NAA15: variants seen among roughly 807,000 people sequenced by gnomAD.
The protein encoded by NAA15 is N-alpha-acetyltransferase 15, NatA auxiliary subunit.
In NAA15, 34 loss-of-function variants were observed where a neutral mutation model predicts 114.0. That is an observed-to-expected ratio of 0.30 (90% CI 0.23 to 0.40). NAA15 has a LOEUF of 0.40. Ranked by LOEUF, NAA15 falls within the 10% of genes least tolerant of loss-of-function variation. The pLI is 1.00. For synonymous variants in NAA15, 340 were observed against 338.0 expected, an observed-to-expected ratio of 1.01 and a Z score of -0.06; for missense variants, 658 against 1,004.5, an observed-to-expected ratio of 0.66 and a Z score of 4.66.
chr4:139,390,708 A>C lies in NAA15; in HGVS notation c.*2624A>C, dbSNP rs1389891709. The C allele has an allele frequency of 2.0e-5, 3 of 152,434 alleles. No homozygotes were observed. The East Asian group carries it at 5.8e-4, about 29-fold the overall frequency. 9.4% of individuals were successfully genotyped at this position (152,434 alleles called of 1,614,324 possible). On this transcript the variant is annotated 3_prime_UTR_variant, in exon 20 of 20. Coordinates refer to ENST00000296543, the MANE Select transcript of NAA15 (RefSeq NM_057175.5). ...TAGGTTAGTTTACTCAGCTTTAATTAGATAGTTGAGTCATATATTTTCAAC... is the reference window on the plus strand; with the variant it reads ...TAGGTTAGTTTACTCAGCTTTAATTCGATAGTTGAGTCATATATTTTCAAC...
chr4:139,339,616 T>A (rs1747318961), intron 3 of NAA15, among the ~76,000 whole-genome samples: 1 of 152,084 alleles, frequency 6.6e-6, no homozygotes, highest in Non-Finnish European at 1.5e-5. Context: ...CTGGGCGTGG[T>A]GGCAGACGCT....
intron 1 of NAA15, among the ~76,000 whole-genome samples, chr4:139,312,159 C>T (rs1746246488): frequency 6.6e-6 from 1 of 151,994 alleles, no homozygotes; most frequent in South Asian, 2.1e-4. Context: ...TATTTACAGG[C>T]AATATCCTGT....
intron 14 of NAA15, among the ~76,000 whole-genome samples, chr4:139,363,434 G>C (rs1366986832): frequency 6.6e-6 from 1 of 152,020 alleles, no homozygotes; most frequent in Non-Finnish European, 1.5e-5. Flanking sequence ...TTTCAGGATG[G>C]TTCTTTGCAG....
intron 1 of NAA15, among the ~76,000 whole-genome samples, chr4:139,312,271 G>A (rs1746249111): frequency 6.6e-6 from 1 of 151,964 alleles, no homozygotes; most frequent in South Asian, 2.1e-4. Flanking sequence ...CTTAAATTCA[G>A]TAATAGTTCT....
Position 139,325,707 on chromosome 4 carries a change from G to A in NAA15, c.55-8467G>A, listed in dbSNP as rs114424571. Among the ~76,000 whole-genome samples, 807 of 152,298 alleles carry A rather than the reference G, an allele frequency of 5.3e-3. 12 individuals carry two copies. The highest frequency in any genetic ancestry group is 0.019 in the African/African-American group (772 of 41,552). The stretch of plus-strand genomic sequence containing the variant: ...TCTGTCGCTCAGGTTGGAGTGCAGT[G>A]TTACCATCACGGCTCACTGCAGCCT... On this transcript the variant is annotated intron_variant, in intron 1 of 19. Transcript: ENST00000296543.
intron 17 of NAA15, among the ~76,000 whole-genome samples, chr4:139,382,631 T>G (rs1293015492): frequency 2.0e-5 from 3 of 152,180 alleles, no homozygotes; most frequent in Non-Finnish European, 4.4e-5. Flanking sequence ...TGTAACCTAT[T>G]TTAATAACTT....
intron 1 of NAA15, among the ~76,000 whole-genome samples, chr4:139,309,012 G>A (rs974733610): frequency 7.9e-5 from 12 of 152,028 alleles, no homozygotes; most frequent in African/African-American, 2.7e-4. Context: ...TATATAATGT[G>A]TATATAATTA....
intron 6 of NAA15, among the ~76,000 whole-genome samples, chr4:139,348,189 C>T (rs1447585345): frequency 2.0e-5 from 3 of 152,080 alleles, no homozygotes; most frequent in African/African-American, 7.3e-5. Flanking sequence ...CACGGTGACT[C>T]ACGACTATAA....
chr4:139,356,802 AT>A (rs1747966872), intron 10 of NAA15, among the ~76,000 whole-genome samples: 1 of 152,032 alleles, frequency 6.6e-6, no homozygotes, highest in Non-Finnish European at 1.5e-5. Flanking sequence ...AAATATAAAA[AT>A]TTTTTTACTT....
At chr4:139,330,378 A>G (rs1746961144) in intron 1 of NAA15, among the ~76,000 whole-genome samples, 1 of 152,222 alleles carries the variant, frequency 6.6e-6, no homozygotes, top group South Asian at 2.1e-4. Flanking sequence ...GCTACATATG[A>G]TGAATGATAG....
chr4:139,370,300 G>T lies in NAA15; in HGVS notation c.1843G>T (p.Ala615Ser), dbSNP rs1748400203. The change falls in exon 15 of 20, where the codon GCA becomes TCA. Residue 615 changes from alanine to serine, a missense_variant. Ala to Ser is a moderately conservative substitution (Grantham distance 99). Transcript: ENST00000296543. ...CCAGATAGAAGAAGAGAAAAAAAAT[G>T]CAGAAAAAGAAAAGCAGCAGAGAAA... Reference protein sequence around the residue: ...KAQIEEEKKNAEKEKQQRNQK... With the variant: ...KAQIEEEKKNSEKEKQQRNQK... 6.3e-7 allele frequency: 1 copy of T among 1,596,378 alleles called. No homozygotes were observed. Among genetic ancestry groups the T allele is most frequent in the Admixed American group, 1.7e-5 (1 of 57,922 alleles).
At chr4:139,338,280 G>A (rs1302420663) in intron 3 of NAA15, among the ~76,000 whole-genome samples, 1 of 152,156 alleles carries the variant, frequency 6.6e-6, no homozygotes, top group African/African-American at 2.4e-5. Flanking sequence ...TGATCCAAAC[G>A]GCTGAGAGGA....
intron 10 of NAA15, 76 bp downstream of exon 10, chr4:139,354,174 A>G (rs528214025): frequency 1.6e-6 from 2 of 1,231,762 alleles, no homozygotes; most frequent in Non-Finnish European, 1.2e-6. Context: ...TCAGAAGGTC[A>G]GTATTATTAC....
At position 139,351,577 on chromosome 4, in the gene NAA15, A is replaced by G. The variant is rs1237309820; in HGVS notation, c.980A>G (p.Asn327Ser). ...AGCAAGGGTTGCCCACCAGTCTTCA[A>G]TACTTTAAGATCATTATACAAAGAC... ...NFSKGCPPVF[N>S]TLRSLYKDKE... The change falls in exon 9 of 20, where the codon AAT becomes AGT. Residue 327 changes from asparagine to serine, a missense_variant. By Grantham distance (46) the Asn-to-Ser change is conservative. Around this residue, in one of 6 missense-constraint regions of NAA15, gnomAD observed 281 missense variants for 389.1 expected, o/e 0.72. Coordinates refer to ENST00000296543, the MANE Select transcript of NAA15 (RefSeq NM_057175.5). 3.8e-6 allele frequency: 6 copies of G among 1,587,706 alleles called. No homozygotes were observed. Among genetic ancestry groups the G allele is most frequent in the Non-Finnish European group, 5.2e-6 (6 of 1,156,326 alleles).
At chr4:139,356,517 A>G (rs1410392688) in intron 10 of NAA15, 3 of 152,170 alleles carry the variant, frequency 2.0e-5, no homozygotes, top group African/African-American at 7.2e-5. Context: ...ACAAATGTGG[A>G]AGAGGTTCAA....
At chr4:139,332,232 A>ACGATTCTCC (rs1747036759) in intron 1 of NAA15, among the ~76,000 whole-genome samples, 1 of 151,882 alleles carries the variant, frequency 6.6e-6, no homozygotes, top group Admixed American at 6.6e-5. Context: ...TCGGGTTCAA[A>ACGATTCTCC]CGATTCTCCT....
At chr4:139,336,730 ACAT>A (rs949698923) in intron 2 of NAA15, 115 bp from the exon 3 acceptor site, 6 of 485,538 alleles carry the variant, frequency 1.2e-5, no homozygotes, top group African/African-American at 1.2e-4. Context: ...AATCTCCTTG[ACAT>A]TTTTAATTCT....
chr4:139,370,846 G>A (rs1748415966), intron 15 of NAA15, among the ~76,000 whole-genome samples: 1 of 152,124 alleles, frequency 6.6e-6, no homozygotes, highest in African/African-American at 2.4e-5. Flanking sequence ...TTTATGTCTA[G>A]GCTAAATTGA....
intron 14 of NAA15, among the ~76,000 whole-genome samples, chr4:139,366,663 C>T (rs1748294786): frequency 6.7e-6 from 1 of 150,228 alleles, no homozygotes. Flanking sequence ...GGCTGGAGTG[C>T]AGAGACTCAG....
Sources: allele counts gnomAD v4.1 joint callset (sites outside exome capture counted in the v4.1 genomes callset), GRCh38; gene constraint gnomAD v4.1.1; regional missense constraint gnomAD v4.1.1; transcripts MANE v1.5; gene names NCBI Gene and HGNC (gene_info 2026-07-23, HGNC 2026-07-21).